The following EPM2A variants were observed in gnomAD, a reference collection of about 807,000 sequenced individuals.
EPM2A encodes the protein EPM2A glucan phosphatase, laforin, also known as laforin.
EPM2A carries 21 observed loss-of-function variants against 26.5 expected under a neutral mutation model. That is an observed-to-expected ratio of 0.79 (90% CI 0.56 to 1.14). EPM2A has a LOEUF of 1.14. Among genes scored for constraint, EPM2A ranks in the 50% most tolerant of loss-of-function variants. EPM2A has a pLI of 0.00. For missense variants in EPM2A, 458 were observed against 440.8 expected (o/e 1.04, Z -0.35); for synonymous variants, 217 against 177.6 (o/e 1.22, Z -1.76).
At chr6:145,434,406 A>G (rs1778962645) in intron 4 of EPM2A, among the ~76,000 whole-genome samples, 1 of 151,824 alleles carries the variant, frequency 6.6e-6, no homozygotes, top group Non-Finnish European at 1.5e-5. Context: ...TAATCTGTTG[A>G]TTAAACCCTA....
intron 4 of EPM2A, among the ~76,000 whole-genome samples, chr6:145,412,438 G>C (rs1408808326): frequency 2.0e-5 from 3 of 152,104 alleles, no homozygotes; most frequent in Non-Finnish European, 4.4e-5. Flanking sequence ...AAAGCTTACT[G>C]AATTAAGTGT....
chr6:145,495,940 AG>A (rs1248949214), intron 4 of EPM2A, among the ~76,000 whole-genome samples: 1 of 152,096 alleles, frequency 6.6e-6, no homozygotes, highest in Non-Finnish European at 1.5e-5. Flanking sequence ...GGCTGGTAAA[AG>A]TTTTTCCTTT....
chr6:145,405,018 C>T (rs192156363), intron 4 of EPM2A, among the ~76,000 whole-genome samples: 47 of 152,224 alleles, frequency 3.1e-4, no homozygotes, highest in Non-Finnish European at 5.1e-4. Flanking sequence ...ACATCTTGAA[C>T]ACTGTACTTC....
intron 2 of EPM2A, among the ~76,000 whole-genome samples, chr6:145,529,166 G>A (rs1780319929): frequency 6.6e-6 from 1 of 152,112 alleles, no homozygotes; most frequent in Non-Finnish European, 1.5e-5. Flanking sequence ...TGGTGGAAAT[G>A]CTATGAACAT....
intron 2 of EPM2A, among the ~76,000 whole-genome samples, chr6:145,554,578 A>C (rs560960252): frequency 6.6e-6 from 1 of 152,058 alleles, no homozygotes; most frequent in South Asian, 2.1e-4. Flanking sequence ...ACAGAAATTT[A>C]TTTAGCTCAT....
intron 4 of EPM2A, among the ~76,000 whole-genome samples, chr6:145,417,961 A>G (rs1020434320): frequency 2.6e-5 from 4 of 151,806 alleles, no homozygotes; most frequent in African/African-American, 9.7e-5. Flanking sequence ...GGAAACTACA[A>G]TCTCACCACA....
intron 4 of EPM2A, among the ~76,000 whole-genome samples, chr6:145,466,213 A>G (rs1779391022): frequency 6.6e-6 from 1 of 151,944 alleles, no homozygotes; most frequent in South Asian, 2.1e-4. Context: ...GCAACCTACA[A>G]AATGGGAGAA....
At chr6:145,453,443 G>GT (rs903759919) in intron 4 of EPM2A, among the ~76,000 whole-genome samples, 37 of 151,398 alleles carry the variant, frequency 2.4e-4, no homozygotes, top group African/African-American at 8.3e-4. Context: ...TTGTTGTTGT[G>GT]TTTTTTTCTA....
intron 2 of EPM2A, chr6:145,637,842 T>C (rs1776808571): frequency 6.6e-6 from 1 of 152,262 alleles, no homozygotes; most frequent in Non-Finnish European, 1.5e-5. Context: ...TCTAACTAGA[T>C]GTCCCATCCC....
intron 4 of EPM2A, among the ~76,000 whole-genome samples, chr6:145,440,340 A>G (rs1465175801): frequency 6.6e-6 from 1 of 152,196 alleles, no homozygotes; most frequent in Non-Finnish European, 1.5e-5. Flanking sequence ...ATTATCTTCC[A>G]CTGAGTCCCT....
At chr6:145,478,254 C>T (rs1023019918) in intron 4 of EPM2A, among the ~76,000 whole-genome samples, 1 of 151,572 alleles carries the variant, frequency 6.6e-6, no homozygotes, top group African/African-American at 2.4e-5. Context: ...AACTATAAAA[C>T]CCTGATGAAG....
At chr6:145,483,888 C>T (rs577944850) in intron 4 of EPM2A, among the ~76,000 whole-genome samples, 8 of 152,266 alleles carry the variant, frequency 5.3e-5, no homozygotes, top group South Asian at 2.1e-4. Context: ...GCTTGCCTCA[C>T]GAACCCTAGC....
intron 4 of EPM2A, among the ~76,000 whole-genome samples, chr6:145,400,553 T>C (rs1375307655): frequency 1.3e-5 from 2 of 152,174 alleles, no homozygotes; most frequent in Non-Finnish European, 2.9e-5. Flanking sequence ...CCACTGACTA[T>C]GGAGTGGTTC....
At chr6:145,722,581 C>T (rs937343016) in intron 1 of EPM2A, among the ~76,000 whole-genome samples, 5 of 152,082 alleles carry the variant, frequency 3.3e-5, no homozygotes, top group African/African-American at 1.2e-4. Flanking sequence ...TAAATCATAA[C>T]CCGAAATGTT....
chr6:145,640,965 C>G (rs1194470519), intron 2 of EPM2A: 1 of 152,112 alleles, frequency 6.6e-6, no homozygotes. Flanking sequence ...CTTTATTAAA[C>G]CATAGTTTTA....
intron 4 of EPM2A, among the ~76,000 whole-genome samples, chr6:145,483,898 C>A (rs894725150): frequency 6.6e-6 from 1 of 152,126 alleles, no homozygotes; most frequent in South Asian, 2.1e-4. Flanking sequence ...CGAACCCTAG[C>A]CCTACTTGGG....
chr6:145,595,595 T>A (rs1460846538), intron 2 of EPM2A, among the ~76,000 whole-genome samples: 4 of 152,026 alleles, frequency 2.6e-5, no homozygotes, highest in African/African-American at 9.7e-5. Flanking sequence ...TATTTTATAT[T>A]TTTTATTTCA....
chr6:145,431,751 T>C (rs1476032464), intron 4 of EPM2A, among the ~76,000 whole-genome samples: 2 of 152,154 alleles, frequency 1.3e-5, no homozygotes. Flanking sequence ...AAGACAACAA[T>C]GAAGTTAGCC....
chr6:145,719,944 A>T (rs1775862865), intron 1 of EPM2A, among the ~76,000 whole-genome samples: 1 of 89,570 alleles, frequency 1.1e-5, no homozygotes, highest in Non-Finnish European at 2.2e-5. Context: ...CAATACTAAA[A>T]TTTGAGGTTA....
Sources: gnomAD v4.1 joint callset for allele counts (sites outside exome capture counted in the v4.1 genomes callset) on GRCh38, gnomAD v4.1.1 for gene constraint, MANE v1.5 for transcripts, NCBI Gene and HGNC (gene_info 2026-07-23, HGNC 2026-07-21) for gene names.